PDE7B: variants seen among roughly 807,000 people sequenced by gnomAD.
The protein encoded by PDE7B is phosphodiesterase 7B.
PDE7B carries 29 observed loss-of-function variants against 56.2 expected under a neutral mutation model. The ratio of observed to expected loss-of-function variants is 0.52; its 90% CI spans 0.38 to 0.70. The LOEUF is 0.70. Among genes scored for constraint, PDE7B ranks in the 30% least tolerant of loss-of-function variants. PDE7B has a pLI of 0.00. For missense variants in PDE7B, 490 were observed against 565.0 expected (o/e 0.87, Z 1.35); for synonymous variants, 197 against 196.9 (o/e 1.00, Z 0.00).
chr6:136,002,835 T>C (rs1041115150), intron 2 of PDE7B, among the ~76,000 whole-genome samples: 1 of 151,970 alleles, frequency 6.6e-6, no homozygotes, highest in Non-Finnish European at 1.5e-5. Flanking sequence ...TGAACTCAGC[T>C]CTGCACCAAG....
At chr6:135,886,653 G>A (rs1180333656) in intron 1 of PDE7B, among the ~76,000 whole-genome samples, 2 of 152,096 alleles carry the variant, frequency 1.3e-5, no homozygotes, top group African/African-American at 4.8e-5. Flanking sequence ...ACTTCACTTA[G>A]AATAGTGGCC....
chr6:136,016,682 T>A (rs987531712), intron 2 of PDE7B, among the ~76,000 whole-genome samples: 5 of 150,996 alleles, frequency 3.3e-5, no homozygotes. Flanking sequence ...ATGCCACACC[T>A]CTCCCTAAGT....
At chr6:136,021,625 C>T (rs1443237199) in intron 2 of PDE7B, among the ~76,000 whole-genome samples, 1 of 147,414 alleles carries the variant, frequency 6.8e-6, no homozygotes, top group Non-Finnish European at 1.5e-5. Context: ...GTCTGGGTGA[C>T]AAGAGCAAAA....
intron 2 of PDE7B, among the ~76,000 whole-genome samples, chr6:136,049,665 G>A (rs182233854): frequency 7.9e-5 from 12 of 152,240 alleles, no homozygotes; most frequent in Admixed American, 7.8e-4. Context: ...CAAGATGTGA[G>A]AAATTTGGTG....
intron 1 of PDE7B, among the ~76,000 whole-genome samples, chr6:135,935,196 A>T (rs1377361974): frequency 5.0e-5 from 4 of 79,418 alleles, no homozygotes; most frequent in African/African-American, 2.7e-4. Context: ...TTATTTATAT[A>T]TATATATATA....
At chr6:135,871,327 T>C (rs971320832) in intron 1 of PDE7B, among the ~76,000 whole-genome samples, 1 of 152,326 alleles carries the variant, frequency 6.6e-6, no homozygotes, top group East Asian at 1.9e-4. Flanking sequence ...TGATTCCCAG[T>C]CAGCCCACAA....
chr6:136,098,312 C>A (rs115669422), intron 2 of PDE7B, among the ~76,000 whole-genome samples: 2,146 of 152,142 alleles, frequency 0.014, 43 homozygotes, highest in African/African-American at 0.049. Flanking sequence ...AGAAGAATAT[C>A]TTTTCCTAAT....
At chr6:136,098,149 A>AAAAAATATATAT (rs1311774244) in intron 2 of PDE7B, 2 of 135,540 alleles carry the variant, frequency 1.5e-5, no homozygotes, top group Middle Eastern at 3.7e-3. Flanking sequence ...GGGGGGGGGA[A>AAAAAATATATAT]ATATATGTAT....
intron 1 of PDE7B, among the ~76,000 whole-genome samples, chr6:135,876,229 G>GCCTA (rs935917136): frequency 6.6e-6 from 1 of 152,162 alleles, no homozygotes; most frequent in Non-Finnish European, 1.5e-5. Context: ...ACCCCACCAT[G>GCCTA]CCTAGCACAG....
At chr6:136,158,974 C>T (rs1181201723) in intron 8 of PDE7B, among the ~76,000 whole-genome samples, 4 of 152,106 alleles carry the variant, frequency 2.6e-5, no homozygotes, top group African/African-American at 7.2e-5. Context: ...AAATTCAACT[C>T]CTTTCAATAG....
At chr6:135,859,610 A>G (rs892562054) in intron 1 of PDE7B, among the ~76,000 whole-genome samples, 1 of 152,128 alleles carries the variant, frequency 6.6e-6, no homozygotes, top group Non-Finnish European at 1.5e-5. Context: ...TGGCTTATAA[A>G]TAAAATAATT....
At chr6:136,019,801 G>A (rs1159362712) in intron 2 of PDE7B, among the ~76,000 whole-genome samples, 1 of 152,148 alleles carries the variant, frequency 6.6e-6, no homozygotes, top group Non-Finnish European at 1.5e-5. Flanking sequence ...GTGTTATTAA[G>A]AAAATCATAA....
intron 2 of PDE7B, chr6:136,037,698 C>A: frequency 1.0e-6 from 1 of 985,450 alleles, no homozygotes; most frequent in Non-Finnish European, 1.2e-6. Flanking sequence ...AGATAACTGG[C>A]CTCCAGCAAG....
intron 10 of PDE7B, 128 bp from the exon 11 acceptor site, chr6:136,181,099 G>C: frequency 2.9e-6 from 2 of 693,152 alleles, no homozygotes; most frequent in Non-Finnish European, 5.2e-6. Context: ...ATGTCAGGGA[G>C]GTACTCTGTA....
At chr6:136,035,670 A>ATGG (rs1776315189) in intron 2 of PDE7B, among the ~76,000 whole-genome samples, 1 of 152,214 alleles carries the variant, frequency 6.6e-6, no homozygotes, top group South Asian at 2.1e-4. Flanking sequence ...AAAATGTGAA[A>ATGG]TGGTGATGGC....
chr6:135,996,529 C>T (rs1775567741), intron 2 of PDE7B, among the ~76,000 whole-genome samples: 1 of 152,168 alleles, frequency 6.6e-6, no homozygotes, highest in Admixed American at 6.5e-5. Context: ...GAGGCAAAAG[C>T]ACAGATTTTT....
chr6:136,084,597 G>A (rs1250823526), intron 2 of PDE7B, among the ~76,000 whole-genome samples: 1 of 152,062 alleles, frequency 6.6e-6, no homozygotes, highest in African/African-American at 2.4e-5. Flanking sequence ...CCGTCAGAAG[G>A]GTCAATTATG....
intron 1 of PDE7B, 56 bp from the exon 2 acceptor site, chr6:135,947,408 T>G (rs1774612463): frequency 1.5e-6 from 2 of 1,307,460 alleles, no homozygotes; most frequent in Non-Finnish European, 1.1e-6. Flanking sequence ...GGATATATTG[T>G]CTTGGGAATC....
chr6:136,024,730 C>A (rs116889488), intron 2 of PDE7B, among the ~76,000 whole-genome samples: 1 of 152,156 alleles, frequency 6.6e-6, no homozygotes, highest in Non-Finnish European at 1.5e-5. Flanking sequence ...TATTATGCAA[C>A]ACCCTAGTTC....
Sources: gnomAD v4.1 joint callset for allele counts (sites outside exome capture counted in the v4.1 genomes callset) on GRCh38, gnomAD v4.1.1 for gene constraint, MANE v1.5 for transcripts, NCBI Gene and HGNC (gene_info 2026-07-23, HGNC 2026-07-21) for gene names.